Variants in DENND1A observed in about 807,000 individuals in gnomAD.
DENND1A encodes the protein DENN domain-containing protein 1A.
A neutral mutation model predicts 113.7 loss-of-function variants in DENND1A; 51 were observed. The observed-to-expected ratio is 0.45, with a 90% confidence interval of 0.36 to 0.57. The LOEUF (loss-of-function observed/expected upper bound fraction) is 0.57. DENND1A is among the 20% of genes least tolerant of loss of function. The pLI, the probability that DENND1A is intolerant of heterozygous loss-of-function variation, is 0.00. For missense variants in DENND1A, 1,258 were observed against 1,395.9 expected (o/e 0.90, Z 1.57); for synonymous variants, 565 against 570.8 (o/e 0.99, Z 0.14).
intron 1 of DENND1A, among the ~76,000 whole-genome samples, chr9:123,918,127 A>T (rs1369163332): frequency 1.3e-5 from 2 of 150,978 alleles, no homozygotes; most frequent in African/African-American, 4.9e-5. Flanking sequence ...AAAAATAAAT[A>T]AATAAATAAA....
intron 10 of DENND1A, among the ~76,000 whole-genome samples, chr9:123,615,812 C>T (rs994981204): frequency 6.6e-6 from 1 of 152,252 alleles, no homozygotes. Context: ...ATGTGCAGAG[C>T]AGGAAGGGTA....
intron 11 of DENND1A, among the ~76,000 whole-genome samples, chr9:123,591,256 GC>G (rs1370153773): frequency 2.6e-5 from 4 of 152,322 alleles, no homozygotes; most frequent in Admixed American, 2.6e-4. Context: ...CACACCAGCT[GC>G]CCACACAGAT....
intron 22 of DENND1A, among the ~76,000 whole-genome samples, chr9:123,387,432 T>G (rs956503583): frequency 6.6e-6 from 1 of 152,160 alleles, no homozygotes; most frequent in Non-Finnish European, 1.5e-5. Context: ...CTAATTGTAG[T>G]CACCAGTTCC....
intron 13 of DENND1A, among the ~76,000 whole-genome samples, chr9:123,546,589 A>G (rs1417556291): frequency 6.6e-6 from 1 of 152,108 alleles, no homozygotes; most frequent in African/African-American, 2.4e-5. Context: ...TCTATTGTGC[A>G]ACACTGAAAT....
At chr9:123,881,265 G>A (rs1848276994) in intron 1 of DENND1A, among the ~76,000 whole-genome samples, 1 of 152,092 alleles carries the variant, frequency 6.6e-6, no homozygotes, top group Non-Finnish European at 1.5e-5. Flanking sequence ...AAATGATCTT[G>A]GCATCTTTGG....
intron 13 of DENND1A, among the ~76,000 whole-genome samples, chr9:123,471,549 C>T (rs971759603): frequency 2.0e-5 from 3 of 152,330 alleles, no homozygotes; most frequent in South Asian, 4.1e-4. Context: ...GAGACCGCAA[C>T]GTACAGCAAG....
At position 123,754,487 on chromosome 9, in the gene DENND1A, T is replaced by C. The variant is rs566037852; in HGVS notation, c.302+3216A>G. Among the ~76,000 whole-genome samples the C allele has an allele frequency of 5.3e-5, 8 of 152,336 alleles. No individual in the cohort carries two copies. In the South Asian group the frequency reaches 1.2e-3, roughly 24 times the overall value. On this transcript the variant is annotated intron_variant, in intron 5 of 23. Coordinates refer to ENST00000394215, the MANE Select transcript of DENND1A (RefSeq NM_001352964.2). ...CCACAATTCATCTAGGACTCTTTTA[T>C]TTTTAGCCACAGTCACTATCCTCTG... is the stretch of plus-strand genomic sequence containing the variant.
chr9:123,509,315 TC>T (rs2053243504), intron 13 of DENND1A, among the ~76,000 whole-genome samples: 2 of 152,344 alleles, frequency 1.3e-5, no homozygotes, highest in South Asian at 4.1e-4. Flanking sequence ...CACCTGGCTT[TC>T]CTGGACAGTA....
At chr9:123,805,799 A>C (rs1410352490) in intron 2 of DENND1A, among the ~76,000 whole-genome samples, 1 of 152,164 alleles carries the variant, frequency 6.6e-6, no homozygotes, top group African/African-American at 2.4e-5. Flanking sequence ...GAAAGCAAAG[A>C]TGTCACTGTC....
In DENND1A at chr9:123,557,709, G is replaced by A; in HGVS notation, c.868-14C>T. 1 of 1,613,318 alleles carries A rather than the reference G, an allele frequency of 6.2e-7. No individual in the cohort carries two copies. The highest frequency in any genetic ancestry group is 8.5e-7 in the Non-Finnish European group (1 of 1,179,550). On this transcript the variant is annotated splice_polypyrimidine_tract_variant and intron_variant, in intron 12 of 23. Transcript: ENST00000394215. ...CAGGGAAGAGATCTGGTGATGGAGA[G>A]AAGGAAAACACAGGTTGAGGACAGG...
intron 13 of DENND1A, among the ~76,000 whole-genome samples, chr9:123,518,063 T>C (rs1386668325): frequency 6.6e-6 from 1 of 152,228 alleles, no homozygotes; most frequent in Admixed American, 6.5e-5. Flanking sequence ...ATGATTGCTC[T>C]TGTTATTACA....
At position 123,457,345 on chromosome 9, in the gene DENND1A, CACCAGCGT is replaced by C; in HGVS notation, c.1181_1186+2del. On this transcript the variant is annotated splice_donor_variant and coding_sequence_variant, in exon 15 of 24. Coordinates refer to ENST00000394215, the MANE Select transcript of DENND1A (RefSeq NM_001352964.2). LOFTEE classifies it high-confidence loss of function. The stretch of plus-strand genomic sequence containing the variant: ...CCCGGAAGGAAAATGAGTTGCTTCT[CACCAGCGT>C]ACTCGCCCATGTTGATTTCCTCTTC... 1 of 1,612,888 alleles carries C rather than the reference CACCAGCGT, an allele frequency of 6.2e-7. No homozygotes were observed. Among genetic ancestry groups the C allele is most frequent in the Non-Finnish European group, 8.5e-7 (1 of 1,178,900 alleles).
chr9:123,386,819 ATAAG>A (rs1265764919), intron 22 of DENND1A, among the ~76,000 whole-genome samples: 8 of 152,208 alleles, frequency 5.3e-5, no homozygotes, highest in African/African-American at 1.9e-4. Context: ...CCTGGGGTTT[ATAAG>A]GTCCCCAGAG....
At chr9:123,691,100 G>A (rs10818855) in intron 5 of DENND1A, among the ~76,000 whole-genome samples, 2 of 152,096 alleles carry the variant, frequency 1.3e-5, no homozygotes, top group East Asian at 3.8e-4. Flanking sequence ...GGAATAAATG[G>A]GGGGGTCAGA....
intron 19 of DENND1A, among the ~76,000 whole-genome samples, chr9:123,436,048 G>A (rs2046491007): frequency 6.6e-6 from 1 of 152,232 alleles, no homozygotes; most frequent in South Asian, 2.1e-4. Context: ...ACCAAGGGGT[G>A]CCCAGGGCTG....
intron 5 of DENND1A, among the ~76,000 whole-genome samples, chr9:123,736,643 C>A (rs1237057327): frequency 1.3e-5 from 2 of 152,176 alleles, no homozygotes; most frequent in African/African-American, 2.4e-5. Flanking sequence ...TCCCTCTGAT[C>A]ATGCATCTCA....
chr9:123,824,329 G>C (rs548971739), intron 2 of DENND1A, among the ~76,000 whole-genome samples: 2 of 152,114 alleles, frequency 1.3e-5, no homozygotes, highest in Non-Finnish European at 2.9e-5. Flanking sequence ...CCTTTAACTC[G>C]CAATCACTTG....
rs571508161 is a variant in DENND1A at position 123,597,742 on chromosome 9, C to A, written c.765+11694G>T. 7.6e-4 allele frequency among the ~76,000 whole-genome samples: 116 copies of A among 152,308 alleles called. 1 individual carries two copies. Among genetic ancestry groups the A allele is most frequent in the Non-Finnish European group, 1.5e-3 (103 of 68,012 alleles). On this transcript the variant is annotated intron_variant, in intron 11 of 23. Coordinates refer to ENST00000394215, the MANE Select transcript of DENND1A (RefSeq NM_001352964.2). ...TTCAGAAGAGAGGTGCTACACAAAT[C>A]TAAAAGGCTGCTAAATGGTTTGTGT...
intron 13 of DENND1A, among the ~76,000 whole-genome samples, chr9:123,513,092 T>C (rs1409373794): frequency 6.6e-6 from 1 of 152,218 alleles, no homozygotes; most frequent in African/African-American, 2.4e-5. Flanking sequence ...GAAATGTCAT[T>C]CAAGGCCTGT....
Sources: allele counts gnomAD v4.1 joint callset (sites outside exome capture counted in the v4.1 genomes callset), GRCh38; gene constraint gnomAD v4.1.1; transcripts MANE v1.5; gene names NCBI Gene and HGNC (gene_info 2026-07-23, HGNC 2026-07-21).